THADA: variants seen among roughly 807,000 people sequenced by gnomAD.
The protein encoded by THADA is THADA armadillo repeat containing.
THADA carries 213 observed loss-of-function variants against 219.8 expected under a neutral mutation model. That is an observed-to-expected ratio of 0.97 (90% CI 0.87 to 1.09). The LOEUF (loss-of-function observed/expected upper bound fraction) is 1.09. Among genes scored for constraint, THADA ranks in the 50% least tolerant of loss-of-function variants. THADA has a pLI of 0.00. For synonymous variants in THADA, 1,018 were observed against 828.9 expected (o/e 1.23, Z -3.92); for missense variants, 2,956 against 2,311.3 (o/e 1.28, Z -5.72).
rs572071399 is a variant in THADA at position 43,583,308 on chromosome 2, G to A, written c.534-1380C>T. Among the ~76,000 whole-genome samples, 7 of 152,236 alleles carry A rather than the reference G, an allele frequency of 4.6e-5. No individual in the cohort carries two copies. The South Asian group carries it at 1.0e-3, about 23-fold the overall frequency. On this transcript the variant is annotated intron_variant, in intron 7 of 37. Coordinates refer to ENST00000405975, the MANE Select transcript of THADA (RefSeq NM_022065.5). Reference sequence around the variant, plus strand: ...TCCATCTCATCTATAAGAAAATCCTGTTGGTTCTACCTTCAAAATACATCT... The same window carrying A: ...TCCATCTCATCTATAAGAAAATCCTATTGGTTCTACCTTCAAAATACATCT...
At chr2:43,487,427 G>A (rs780840421) in intron 25 of THADA, among the ~76,000 whole-genome samples, 15 of 151,994 alleles carry the variant, frequency 9.9e-5, no homozygotes, top group Non-Finnish European at 1.5e-4. Flanking sequence ...AACTGTAGAG[G>A]ACTATTTTAC....
chr2:43,379,131 C>T (rs1252285536), intron 29 of THADA, among the ~76,000 whole-genome samples: 1 of 151,896 alleles, frequency 6.6e-6, no homozygotes, highest in East Asian at 1.9e-4. Flanking sequence ...GTCCAGTAGA[C>T]AATAATAATG....
At chr2:43,548,586 C>T (rs1440276093) in intron 20 of THADA, among the ~76,000 whole-genome samples, 1 of 152,124 alleles carries the variant, frequency 6.6e-6, no homozygotes, top group South Asian at 2.1e-4. Context: ...GCGCCCCTCC[C>T]CCAGCCTCGA....
chr2:43,232,628 G>T (rs1360065638), intron 37 of THADA, 85 bp downstream of exon 37: 14 of 1,431,710 alleles, frequency 9.8e-6, no homozygotes, highest in Non-Finnish European at 1.3e-5. Flanking sequence ...GCATGCAAAA[G>T]CCCAGCTGAG....
At chr2:43,322,032 T>G (rs142470267) in intron 30 of THADA, among the ~76,000 whole-genome samples, 1 of 152,116 alleles carries the variant, frequency 6.6e-6, no homozygotes, top group Non-Finnish European at 1.5e-5. Context: ...ATGAAAAATA[T>G]GTATCAGATA....
intron 21 of THADA, among the ~76,000 whole-genome samples, chr2:43,534,478 C>T (rs1033448640): frequency 6.6e-6 from 1 of 152,114 alleles, no homozygotes; most frequent in Non-Finnish European, 1.5e-5. Context: ...CCTATCTCCA[C>T]CCTCTCAACT....
Position 43,581,822 on chromosome 2 carries a change from T to A in THADA, c.640A>T (p.Asn214Tyr). The A allele has an allele frequency of 6.2e-7, 1 of 1,613,014 alleles. No homozygotes were observed. The highest frequency in any genetic ancestry group is 8.5e-7 in the Non-Finnish European group (1 of 1,179,702). ...GGAGAATCGGAAGTCTTCCAAAGATTTCCCTGGAAATCTTGTACTTTCTGT... is the reference window on the plus strand; with the variant it reads ...GGAGAATCGGAAGTCTTCCAAAGATATCCCTGGAAATCTTGTACTTTCTGT... ...LVQKVQDFQGNLWKTSDSPIW... is the reference protein window; with the variant it reads ...LVQKVQDFQGYLWKTSDSPIW... Residue 214 changes from asparagine to tyrosine, a missense_variant, in exon 8 of 38, where the codon AAT becomes TAT. Transcript: ENST00000405975.
intron 14 of THADA, among the ~76,000 whole-genome samples, chr2:43,569,441 G>A (rs185369975): frequency 1.3e-5 from 2 of 152,216 alleles, no homozygotes; most frequent in East Asian, 3.9e-4. Context: ...TATAGTTGAC[G>A]AGACTCAAGT....
chr2:43,572,884 G>A lies in THADA; in HGVS notation c.1838C>T (p.Ala613Val). The A allele has an allele frequency of 1.2e-6, 2 of 1,613,906 alleles. No individual in the cohort carries two copies. The highest frequency in any genetic ancestry group is 2.2e-5 in the East Asian group (1 of 44,872). Residue 613 changes from alanine to valine, a missense_variant, in exon 12 of 38, where the codon GCA becomes GTA. By Grantham distance (64) the Ala-to-Val change is moderately conservative. Coordinates refer to ENST00000405975, the MANE Select transcript of THADA (RefSeq NM_022065.5). The stretch of plus-strand genomic sequence containing the variant: ...CACGAGGTTCTCCCAGGTATCAGTT[G>A]CAGACTGAAGATGTCCATGAGCTCT... ...IARAHGHLQS[A>V]TDTWENLVSD... is the part of the protein sequence containing the mutation.
At chr2:43,309,852 A>T (rs1399732194) in intron 31 of THADA, among the ~76,000 whole-genome samples, 2 of 152,248 alleles carry the variant, frequency 1.3e-5, no homozygotes, top group African/African-American at 2.4e-5. Flanking sequence ...AGAGCTAATA[A>T]GTTTGTTCAG....
intron 4 of THADA, among the ~76,000 whole-genome samples, chr2:43,590,397 G>C (rs1247782594): frequency 6.6e-6 from 1 of 152,062 alleles, no homozygotes; most frequent in Non-Finnish European, 1.5e-5. Flanking sequence ...TTGTAACTAG[G>C]CTGGGCGCAG....
At chr2:43,463,871 A>G (rs1683926103) in intron 26 of THADA, among the ~76,000 whole-genome samples, 1 of 152,214 alleles carries the variant, frequency 6.6e-6, no homozygotes, top group Non-Finnish European at 1.5e-5. Context: ...CTCCAGACAC[A>G]GGCATGTGCT....
Position 43,578,553 on chromosome 2 carries a change from A to G in THADA, c.776T>C (p.Ile259Thr), listed in dbSNP as rs779034878. ...STSGLAIILF[I>T]KTMFHPSEKI... ...TTCAGACGGGTGAAACATAGTCTTA[A>G]TAAAAAGAATAATAGCTAATCCAGA... The change falls in exon 9 of 38, where the codon ATT becomes ACT. Residue 259 changes from isoleucine (I) to threonine (T), a missense_variant. Coordinates refer to ENST00000405975, the MANE Select transcript of THADA (RefSeq NM_022065.5). 1.3e-5 allele frequency: 21 copies of G among 1,613,122 alleles called. No individual in the cohort carries two copies. In the East Asian group the frequency reaches 4.2e-4, roughly 33 times the overall value.
At chr2:43,297,853 C>T (rs1182103181) in intron 31 of THADA, among the ~76,000 whole-genome samples, 3 of 119,750 alleles carry the variant, frequency 2.5e-5, no homozygotes, top group African/African-American at 4.0e-5. Context: ...CCCGGCCAGC[C>T]GCCCCGTCCG....
intron 16 of THADA, among the ~76,000 whole-genome samples, chr2:43,558,200 A>G (rs887888031): frequency 3.9e-5 from 6 of 152,232 alleles, no homozygotes; most frequent in African/African-American, 1.2e-4. Flanking sequence ...CTAGGTGAGT[A>G]GGATAGTCAA....
intron 37 of THADA, among the ~76,000 whole-genome samples, chr2:43,231,867 A>C (rs1667464385): frequency 6.6e-6 from 1 of 152,168 alleles, no homozygotes; most frequent in African/African-American, 2.4e-5. Flanking sequence ...ATGCGTTTTG[A>C]ACCCTTGGCC....
At chr2:43,438,994 A>G (rs1680507683) in intron 26 of THADA, among the ~76,000 whole-genome samples, 1 of 152,196 alleles carries the variant, frequency 6.6e-6, no homozygotes, top group African/African-American at 2.4e-5. Flanking sequence ...TGTGAGATAA[A>G]TTGCCTATGT....
Position 43,287,005 on chromosome 2 carries a change from T to G in THADA, c.5067A>C (p.Ser1689=). The G allele has an allele frequency of 6.2e-7, 1 of 1,613,950 alleles. No individual in the cohort carries two copies. Among genetic ancestry groups the G allele is most frequent in the Non-Finnish European group, 8.5e-7 (1 of 1,179,874 alleles). ...LKQWVQLVIL[S]CEDHLPTESR... is the part of the protein sequence containing the mutation. ...ACTCTGTAGGAAGATGGTCTTCACA[T>G]GACAAGATGACCAGCTGAACCCACT... is the stretch of plus-strand genomic sequence containing the variant. The change falls in exon 35 of 38, where the codon TCA becomes TCC. Residue 1689 remains serine (S), a synonymous_variant. Transcript: ENST00000405975.
At chr2:43,370,658 C>T (rs1409133901) in intron 29 of THADA, among the ~76,000 whole-genome samples, 1 of 152,100 alleles carries the variant, frequency 6.6e-6, no homozygotes, top group Non-Finnish European at 1.5e-5. Context: ...CTAATTTACT[C>T]AAGAAGTTAA....
Sources: gnomAD v4.1 joint callset for allele counts (sites outside exome capture counted in the v4.1 genomes callset) on GRCh38, gnomAD v4.1.1 for gene constraint, MANE v1.5 for transcripts, NCBI Gene and HGNC (gene_info 2026-07-23, HGNC 2026-07-21) for gene names.